The following CCBE1 variants were observed in gnomAD, a reference collection of about 807,000 sequenced individuals.
The protein encoded by CCBE1 is collagen and calcium-binding EGF domain-containing protein 1.
A neutral mutation model predicts 50.0 loss-of-function variants in CCBE1; 37 were observed. That is an observed-to-expected ratio of 0.74 (90% confidence interval 0.57 to 0.97). The LOEUF is 0.97. Ranked by LOEUF, CCBE1 falls within the 50% of genes least tolerant of loss-of-function variation. CCBE1 has a pLI of 0.00. For missense variants in CCBE1, 538 were observed against 523.8 expected (o/e 1.03, Z -0.26); for synonymous variants, 234 against 203.7 (o/e 1.15, Z -1.27).
intron 2 of CCBE1, among the ~76,000 whole-genome samples, chr18:59,541,926 T>C (rs373816887): frequency 4.7e-4 from 72 of 152,174 alleles, no homozygotes; most frequent in African/African-American, 1.7e-3. Context: ...CCTACAATCC[T>C]AGCACTTTGG....
intron 2 of CCBE1, among the ~76,000 whole-genome samples, chr18:59,673,268 C>T (rs369873999): frequency 3.0e-4 from 45 of 152,200 alleles, no homozygotes; most frequent in African/African-American, 9.9e-4. Flanking sequence ...CTGGCCAACA[C>T]GGCATAACCC....
intron 2 of CCBE1, among the ~76,000 whole-genome samples, chr18:59,677,208 T>C (rs2054516752): frequency 6.6e-6 from 1 of 152,134 alleles, no homozygotes; most frequent in Non-Finnish European, 1.5e-5. Flanking sequence ...GATGATGTCG[T>C]GGAGAGAGAT....
At chr18:59,689,759 C>T (rs1162167661) in intron 2 of CCBE1, among the ~76,000 whole-genome samples, 1 of 152,200 alleles carries the variant, frequency 6.6e-6, no homozygotes, top group Non-Finnish European at 1.5e-5. Context: ...CTGCTATCCA[C>T]ATCACAGGTC....
intron 2 of CCBE1, among the ~76,000 whole-genome samples, chr18:59,612,638 T>A (rs535113359): frequency 1.3e-5 from 2 of 152,224 alleles, no homozygotes; most frequent in South Asian, 4.1e-4. Context: ...TGAAATAAAT[T>A]AGCCAAGATC....
intron 7 of CCBE1, among the ~76,000 whole-genome samples, chr18:59,446,548 G>A (rs1031578833): frequency 1.2e-4 from 19 of 152,156 alleles, no homozygotes; most frequent in Admixed American, 3.3e-4. Flanking sequence ...CTGGATGGAC[G>A]GAGACTCAGG....
chr18:59,441,731 A>G (rs1910434688), intron 7 of CCBE1, among the ~76,000 whole-genome samples: 1 of 152,224 alleles, frequency 6.6e-6, no homozygotes, highest in Non-Finnish European at 1.5e-5. Context: ...TATGAAAACA[A>G]TATAGGCTCA....
At chr18:59,533,185 A>G (rs1305125056) in intron 2 of CCBE1, among the ~76,000 whole-genome samples, 1 of 152,236 alleles carries the variant, frequency 6.6e-6, no homozygotes. Context: ...GCAACTAGAA[A>G]TCACATTTAT....
chr18:59,561,816 T>C (rs186759244), intron 2 of CCBE1, among the ~76,000 whole-genome samples: 4 of 152,270 alleles, frequency 2.6e-5, no homozygotes, highest in African/African-American at 7.2e-5. Flanking sequence ...TGCAGCTGTG[T>C]GTGAGGGCGG....
chr18:59,675,160 G>A (rs1282341907), intron 2 of CCBE1, among the ~76,000 whole-genome samples: 1 of 152,188 alleles, frequency 6.6e-6, no homozygotes, highest in African/African-American at 2.4e-5. Flanking sequence ...TGCCCAAAGT[G>A]TCACTAGTAG....
At chr18:59,572,610 A>C (rs2052929855) in intron 2 of CCBE1, among the ~76,000 whole-genome samples, 1 of 152,208 alleles carries the variant, frequency 6.6e-6, no homozygotes, top group South Asian at 2.1e-4. Flanking sequence ...AAAATATATA[A>C]ATCAGTCAGG....
At chr18:59,690,286 C>T (rs751627330) in intron 2 of CCBE1, among the ~76,000 whole-genome samples, 6 of 152,096 alleles carry the variant, frequency 3.9e-5, no homozygotes, top group South Asian at 2.1e-4. Flanking sequence ...TCAATAGCTT[C>T]GCAGAAAAAA....
At chr18:59,577,085 G>C (rs2053008680) in intron 2 of CCBE1, among the ~76,000 whole-genome samples, 1 of 152,232 alleles carries the variant, frequency 6.6e-6, no homozygotes, top group South Asian at 2.1e-4. Context: ...ATGTAAACTT[G>C]TGTTCGTGGA....
intron 10 of CCBE1, 60 bp downstream of exon 10, chr18:59,438,051 A>T (rs919950313): frequency 4.5e-6 from 7 of 1,565,118 alleles, no homozygotes; most frequent in Non-Finnish European, 6.2e-6. Flanking sequence ...CTATAGGCTC[A>T]TCAGAGCTGC....
chr18:59,681,017 G>T (rs2054582509), intron 2 of CCBE1, among the ~76,000 whole-genome samples: 1 of 148,350 alleles, frequency 6.7e-6, no homozygotes, highest in Non-Finnish European at 1.5e-5. Context: ...TTCAAGAGAA[G>T]CCTCATCCTT....
Position 59,696,609 on chromosome 18 carries a change from C to T in CCBE1, c.212+20G>A, listed in dbSNP as rs747988367. 2.6e-5 allele frequency: 42 copies of T among 1,613,298 alleles called. 2 individuals are homozygous for T. In the South Asian group the frequency reaches 4.6e-4, roughly 18 times the overall value. On this transcript the variant is annotated intron_variant, in intron 2 of 10. Coordinates refer to ENST00000439986, the MANE Select transcript of CCBE1 (RefSeq NM_133459.4). ...CCCCGGTGCGCAGTGGCGAACAGCC[C>T]GCAGAGCCCCCAGGCTTACCTGTAG...
At chr18:59,558,948 T>A (rs2052692262) in intron 2 of CCBE1, among the ~76,000 whole-genome samples, 1 of 152,202 alleles carries the variant, frequency 6.6e-6, no homozygotes, top group South Asian at 2.1e-4. Flanking sequence ...GCCCCCTAAG[T>A]GCTCTTTCTG....
At chr18:59,440,186 G>C (rs1162081534) in intron 7 of CCBE1, among the ~76,000 whole-genome samples, 1 of 152,208 alleles carries the variant, frequency 6.6e-6, no homozygotes, top group Non-Finnish European at 1.5e-5. Flanking sequence ...CAGCAGAGTA[G>C]TGGCCACCAC....
At chr18:59,615,151 C>T (rs1265230091) in intron 2 of CCBE1, among the ~76,000 whole-genome samples, 1 of 152,212 alleles carries the variant, frequency 6.6e-6, no homozygotes, top group Non-Finnish European at 1.5e-5. Flanking sequence ...GGCTGAGCCT[C>T]CTAGTCTCCC....
At chr18:59,693,156 T>C (rs1055020154) in intron 2 of CCBE1, among the ~76,000 whole-genome samples, 1 of 152,174 alleles carries the variant, frequency 6.6e-6, no homozygotes, top group East Asian at 1.9e-4. Flanking sequence ...ATTCCAAATA[T>C]TGCGAGATGC....
Sources: allele counts gnomAD v4.1 joint callset (sites outside exome capture counted in the v4.1 genomes callset), GRCh38; gene constraint gnomAD v4.1.1; transcripts MANE v1.5; gene names NCBI Gene and HGNC (gene_info 2026-07-23, HGNC 2026-07-21).